Variants in RBFOX1 observed in about 807,000 individuals in gnomAD.
RBFOX1 encodes the protein RNA binding protein fox-1 homolog 1.
In RBFOX1, 8 loss-of-function variants were observed where a neutral mutation model predicts 57.7. The ratio of observed to expected loss-of-function variants is 0.14; its 90% confidence interval spans 0.08 to 0.25. RBFOX1 has a LOEUF of 0.25. Ranked by LOEUF, RBFOX1 falls within the 10% of genes least tolerant of loss-of-function variation. RBFOX1 has a pLI of 1.00. For missense variants in RBFOX1, 611 were observed against 548.5 expected (o/e 1.11, Z -1.14); for synonymous variants, 326 against 222.4 (o/e 1.47, Z -4.15).
At chr16:7,160,788 C>T (rs1225545178) in intron 4 of RBFOX1, among the ~76,000 whole-genome samples, 1 of 146,914 alleles carries the variant, frequency 6.8e-6, no homozygotes, top group Admixed American at 6.8e-5. Flanking sequence ...CTTTTTTCTC[C>T]CTCCTCCGTC....
chr16:7,414,055 C>T (rs2098456101), intron 4 of RBFOX1, among the ~76,000 whole-genome samples: 2 of 152,170 alleles, frequency 1.3e-5, no homozygotes, highest in African/African-American at 2.4e-5. Context: ...GACTCTTACT[C>T]ATCAAATTTG....
chr16:6,514,168 G>A (rs570682551), intron 2 of RBFOX1, among the ~76,000 whole-genome samples: 8 of 152,246 alleles, frequency 5.3e-5, no homozygotes, highest in African/African-American at 1.7e-4. Context: ...TTCTGCTTTT[G>A]AGCCACTTAC....
intron 4 of RBFOX1, among the ~76,000 whole-genome samples, chr16:7,317,382 C>G (rs73561840): frequency 0.03 from 4,529 of 152,146 alleles, 140 homozygotes; most frequent in African/African-American, 0.081. Context: ...ATATCTTAGG[C>G]CAAAGCTCCC....
intron 2 of RBFOX1, among the ~76,000 whole-genome samples, chr16:6,485,776 A>G (rs558311430): frequency 1.6e-4 from 25 of 152,204 alleles, no homozygotes; most frequent in African/African-American, 5.5e-4. Context: ...ACTTTATTGG[A>G]CTAAGCTTAT....
At chr16:6,053,837 C>T (rs776825681) in intron 1 of RBFOX1, among the ~76,000 whole-genome samples, 11 of 152,012 alleles carry the variant, frequency 7.2e-5, no homozygotes, top group Non-Finnish European at 1.6e-4. Context: ...GCAGGAGGAT[C>T]GCTTGAGCAC....
At chr16:7,299,627 G>C (rs2095982952) in intron 4 of RBFOX1, among the ~76,000 whole-genome samples, 1 of 152,240 alleles carries the variant, frequency 6.6e-6, no homozygotes, top group East Asian at 1.9e-4. Flanking sequence ...TCAGTGTGGA[G>C]TGATCGTGCT....
intron 4 of RBFOX1, among the ~76,000 whole-genome samples, chr16:7,074,368 A>G (rs1598762287): frequency 6.6e-6 from 1 of 152,370 alleles, no homozygotes; most frequent in Non-Finnish European, 1.5e-5. Flanking sequence ...GGCTTTTGCC[A>G]TTAAAATGAT....
At chr16:7,636,186 C>T (rs367860007) in intron 11 of RBFOX1, among the ~76,000 whole-genome samples, 66 of 152,344 alleles carry the variant, frequency 4.3e-4, no homozygotes, top group African/African-American at 1.5e-3. Flanking sequence ...GCAACTACAT[C>T]CATTCTACAC....
rs373217744 is a variant in RBFOX1 at position 6,354,228 on chromosome 16, G to GACAC, written c.-64+37187_-64+37190dup. On this transcript the variant is annotated intron_variant, in intron 2 of 15. Coordinates refer to ENST00000550418, the MANE Select transcript of RBFOX1 (RefSeq NM_018723.4). ...GAGCGAGACACTGGGTCAACACACA[G>GACAC]ACACACACACACACACACATAGATA... Among the ~76,000 whole-genome samples the GACAC allele has an allele frequency of 5.3e-5, 8 of 149,760 alleles. No homozygotes were observed. In the East Asian group the frequency reaches 5.9e-4, roughly 11 times the overall value.
intron 10 of RBFOX1, among the ~76,000 whole-genome samples, chr16:7,623,468 C>A (rs534919507): frequency 1.3e-5 from 2 of 152,146 alleles, no homozygotes. Flanking sequence ...TCATAAGGAA[C>A]ACACAACCAA....
intron 3 of RBFOX1, among the ~76,000 whole-genome samples, chr16:7,007,054 G>T (rs1300243790): frequency 6.6e-6 from 1 of 152,128 alleles, no homozygotes; most frequent in Non-Finnish European, 1.5e-5. Context: ...GGCTCATCTG[G>T]TTTCTACACT....
At chr16:6,999,373 C>A (rs985523745) in intron 3 of RBFOX1, among the ~76,000 whole-genome samples, 1 of 151,498 alleles carries the variant, frequency 6.6e-6, no homozygotes, top group Non-Finnish European at 1.5e-5. Flanking sequence ...TACATTTTTA[C>A]TCCAGATTCA....
intron 2 of RBFOX1, among the ~76,000 whole-genome samples, chr16:6,411,705 T>A (rs894982240): frequency 1.3e-5 from 2 of 152,254 alleles, no homozygotes; most frequent in African/African-American, 4.8e-5. Context: ...ACCTACTGCA[T>A]GCTCTCAGCT....
intron 1 of RBFOX1, among the ~76,000 whole-genome samples, chr16:6,190,626 T>C (rs1314452011): frequency 6.6e-6 from 1 of 152,178 alleles, no homozygotes; most frequent in Non-Finnish European, 1.5e-5. Context: ...ACTATTATTA[T>C]TTGCCTAACA....
chr16:6,254,728 C>A (rs1021188722), intron 1 of RBFOX1, among the ~76,000 whole-genome samples: 1 of 152,070 alleles, frequency 6.6e-6, no homozygotes, highest in East Asian at 1.9e-4. Context: ...TTTTGAAAAA[C>A]CTCTTTTAAA....
chr16:5,585,431 C>A (rs757226166), intron 2 of RBFOX1, among the ~76,000 whole-genome samples: 19 of 152,164 alleles, frequency 1.2e-4, no homozygotes, highest in African/African-American at 4.1e-4. Flanking sequence ...TGGGGTGTTT[C>A]CTGCTTTGGG....
chr16:5,421,304 G>T (rs1482685501), intron 1 of RBFOX1, among the ~76,000 whole-genome samples: 1 of 152,138 alleles, frequency 6.6e-6, no homozygotes, highest in Non-Finnish European at 1.5e-5. Flanking sequence ...ACTGTGCCCG[G>T]CTATCATCCA....
At chr16:6,084,712 G>A (rs76512533) in intron 1 of RBFOX1, among the ~76,000 whole-genome samples, 4,272 of 152,232 alleles carry the variant, frequency 0.028, 104 homozygotes, top group African/African-American at 0.064. Flanking sequence ...AGGAGATAAG[G>A]TCAGGCATTC....
intron 3 of RBFOX1, among the ~76,000 whole-genome samples, chr16:6,810,785 A>G (rs538147232): frequency 9.9e-4 from 151 of 152,246 alleles, no homozygotes; most frequent in African/African-American, 3.5e-3. Context: ...TCATAAAACC[A>G]TCAGATCTCG....
Sources: allele counts gnomAD v4.1 joint callset (sites outside exome capture counted in the v4.1 genomes callset), GRCh38; gene constraint gnomAD v4.1.1; transcripts MANE v1.5; gene names NCBI Gene and HGNC (gene_info 2026-07-23, HGNC 2026-07-21).